LDHD: variants seen among roughly 807,000 people sequenced by gnomAD.
The protein encoded by LDHD is lactate dehydrogenase D, also known as D-lactate dehydrogenase, mitochondrial.
Under a neutral mutation model 52.9 loss-of-function variants are expected in LDHD, and 58 were observed. That is an observed-to-expected ratio of 1.10 (90% CI 0.89 to 1.36). LDHD has a LOEUF of 1.36. LDHD is among the 40% of genes most tolerant of loss of function. The pLI is 0.00. For missense variants in LDHD, 747 were observed against 668.0 expected (o/e 1.12, Z -1.30); for synonymous variants, 350 against 288.6 (o/e 1.21, Z -2.16).
In LDHD at chr16:75,116,609, C is replaced by A. The variant is rs377287420; in HGVS notation, c.72+40G>T. ...TCAGAACCCCCTGCTCCCCGCTCCC[C>A]ACCTCATCCCTCCAGAGGACTTCTC... On this transcript the variant is annotated intron_variant, in intron 1 of 10. Transcript: ENST00000450168. 1.4e-5 allele frequency: 22 copies of A among 1,546,894 alleles called. No homozygotes were observed. In the African/African-American group the frequency reaches 3.0e-4, roughly 21 times the overall value.
chr16:75,113,293 TC>T (rs2145440583), intron 8 of LDHD, among the ~76,000 whole-genome samples: 1 of 152,300 alleles, frequency 6.6e-6, no homozygotes, highest in Admixed American at 6.5e-5. Flanking sequence ...ACCGCACCGT[TC>T]CCATGACCTG....
chr16:75,113,519 C>G lies in LDHD; in HGVS notation c.1086+16G>C. On this transcript the variant is annotated intron_variant, in intron 8 of 10. Coordinates refer to ENST00000450168, the MANE Select transcript of LDHD (RefSeq NM_194436.3). ...GCCGAGCTGTGGGCCCCATCTGTAC[C>G]CCAGCCCCAGCTCACCTTGCAGCCT... is the stretch of plus-strand genomic sequence containing the variant. 6.3e-6 allele frequency: 10 copies of G among 1,598,494 alleles called. No individual in the cohort carries two copies. Among genetic ancestry groups the G allele is most frequent in the Non-Finnish European group, 8.5e-6 (10 of 1,173,330 alleles).
At chr16:75,114,303 G>T in intron 5 of LDHD, 138 bp from the exon 6 acceptor site, 1 of 1,517,190 alleles carries the variant, frequency 6.6e-7, no homozygotes, top group Non-Finnish European at 8.8e-7. Context: ...AGTTTCCCTG[G>T]CCCAGTGCTT....
At position 75,114,669 on chromosome 16, in the gene LDHD, G is replaced by A; in HGVS notation, c.486C>T (p.Ala162=). Residue 162 remains alanine, a synonymous_variant, in exon 5 of 11, where the codon GCC becomes GCT. Coordinates refer to ENST00000450168, the MANE Select transcript of LDHD (RefSeq NM_194436.3). ...CGGTGGCCGCCATGCCACAGAGAGA[G>A]GCGTCCGCGCCTGGGTCTGGAGGGC... ...LWFPVDPGAD[A]SLCGMAATGA... 1 of 1,533,434 alleles carries A rather than the reference G, an allele frequency of 6.5e-7. No homozygotes were observed. The highest frequency in any genetic ancestry group is 8.8e-7 in the Non-Finnish European group (1 of 1,140,922). 95.0% of individuals were successfully genotyped at this position (1,533,434 alleles called of 1,614,324 possible).
At position 75,115,203 on chromosome 16, in the gene LDHD, C is replaced by A; in HGVS notation, c.322G>T (p.Val108Leu). The change falls in exon 3 of 11, where the codon GTG becomes TTG. Residue 108 changes from valine to leucine, a missense_variant. Val to Leu is a conservative substitution (Grantham distance 32). Coordinates refer to ENST00000450168, the MANE Select transcript of LDHD (RefSeq NM_194436.3). ...GCGAGGGAGCCCCACTGTACCTGCA[C>A]AGCACAGACGCCACCCTCAAGCCCG... ...GTGLEGGVCA[V>L]QGGVCVNLTH... 1.2e-6 allele frequency: 2 copies of A among 1,612,280 alleles called. No homozygotes were observed. Among genetic ancestry groups the A allele is most frequent in the Non-Finnish European group, 1.7e-6 (2 of 1,179,952 alleles).
chr16:75,113,827 G>A lies in LDHD; in HGVS notation c.873C>T (p.Ser291=), dbSNP rs779373124. Reference sequence around the variant, plus strand: ...TGGGCGCCACTAAGCAATTCAGCTTGCTGTACCTGTTGCAGGCATCCATCA... The same window carrying A: ...TGGGCGCCACTAAGCAATTCAGCTTACTGTACCTGTTGCAGGCATCCATCA... ...EVMMDACNRY[S]KLNCLVAPTL... The change falls in exon 7 of 11, where the codon AGC becomes AGT. Residue 291 remains serine (S), a synonymous_variant. Coordinates refer to ENST00000450168, the MANE Select transcript of LDHD (RefSeq NM_194436.3). The A allele has an allele frequency of 1.2e-6, 2 of 1,613,994 alleles. No homozygotes were observed. Among genetic ancestry groups the A allele is most frequent in the African/African-American group, 1.3e-5 (1 of 74,936 alleles).
At position 75,114,627 on chromosome 16, in the gene LDHD, G is replaced by A. The variant is rs1301590744; in HGVS notation, c.528C>T (p.Asn176=). 10 of 1,532,942 alleles carry A rather than the reference G, an allele frequency of 6.5e-6. No homozygotes were observed. Among genetic ancestry groups the A allele is most frequent in the Non-Finnish European group, 8.7e-6 (10 of 1,143,188 alleles). 95.0% of individuals were successfully genotyped at this position (1,532,942 alleles called of 1,614,324 possible). The change falls in exon 5 of 11, where the codon AAC becomes AAT. Residue 176 remains asparagine, a synonymous_variant. Transcript: ENST00000450168. ...CCCGCATGGTGCCGTAGCGGACCGC[G>A]TTGGTCCCCGACGCCCCGGTGGCCG... The part of the protein sequence containing the change: ...GMAATGASGT[N]AVRYGTMRDN...
At chr16:75,116,591 C>G (rs768003909) in intron 1 of LDHD, 58 bp downstream of exon 1, 1 of 1,430,318 alleles carries the variant, frequency 7.0e-7, no homozygotes, top group South Asian at 1.2e-5. Flanking sequence ...GGATCAGAAC[C>G]CCCTGCTCCC....
Position 75,115,225 on chromosome 16 carries a change from CCCGGTG to C in LDHD, c.294_299del (p.Thr99_Gly100del). The C allele has an allele frequency of 6.2e-7, 1 of 1,613,074 alleles. No individual in the cohort carries two copies. Among genetic ancestry groups the C allele is most frequent in the South Asian group, 1.1e-5 (1 of 91,088 alleles). ...GCACAGCACAGACGCCACCCTCAAG[CCCGGTG>C]CCGGTGCCGAATGGGATGATGGGCA... On this transcript the variant is annotated inframe_deletion, in exon 3 of 11. Transcript: ENST00000450168.
Position 75,114,590 on chromosome 16 carries a change from T to C in LDHD, c.565A>G (p.Asn189Asp). ...CCGTCGGGCAGCACCACCTCCAGGT[T>C]GAGCACGTTGTCCCGCATGGTGCCG... The part of the protein sequence containing the change: ...RYGTMRDNVL[N>D]LEVVLPDGRL... The change falls in exon 5 of 11, where the codon AAC becomes GAC. Residue 189 changes from asparagine (N) to aspartate (D), a missense_variant. By Grantham distance (23) the Asn-to-Asp change is conservative. Coordinates refer to ENST00000450168, the MANE Select transcript of LDHD (RefSeq NM_194436.3). The C allele has an allele frequency of 6.5e-7, 1 of 1,533,988 alleles. No individual in the cohort carries two copies. The highest frequency in any genetic ancestry group is 8.7e-7 in the Non-Finnish European group (1 of 1,145,130).
intron 1 of LDHD, 75 bp from the exon 2 acceptor site, chr16:75,115,735 G>C: frequency 2.1e-6 from 2 of 943,530 alleles, no homozygotes; most frequent in South Asian, 1.7e-5. Flanking sequence ...GTGTCGGGGG[G>C]AGGGCTGGGG....
At position 75,115,232 on chromosome 16, in the gene LDHD, C is replaced by A. The variant is rs1349118708; in HGVS notation, c.293G>T (p.Gly98Val). The A allele has an allele frequency of 2.5e-6, 4 of 1,613,182 alleles. No homozygotes were observed. The highest frequency in any genetic ancestry group is 4.5e-5 in the East Asian group (2 of 44,874). ...QGVPIIPFGTGTGLEGGVCAV... is the reference protein window; with the variant it reads ...QGVPIIPFGTVTGLEGGVCAV... ...ACAGACGCCACCCTCAAGCCCGGTG[C>A]CGGTGCCGAATGGGATGATGGGCAC... The change falls in exon 3 of 11, where the codon GGC becomes GTC. Residue 98 changes from glycine (G) to valine (V), a missense_variant. Coordinates refer to ENST00000450168, the MANE Select transcript of LDHD (RefSeq NM_194436.3).
Position 75,116,764 on chromosome 16 carries a change from G to A in LDHD, c.-44C>T, listed in dbSNP as rs759972723. 7.4e-7 allele frequency: 1 copy of A among 1,349,464 alleles called. No individual in the cohort carries two copies. The highest frequency in any genetic ancestry group is 1.0e-6 in the Non-Finnish European group (1 of 985,826). 83.6% of individuals were successfully genotyped at this position (1,349,464 alleles called of 1,614,324 possible). A position where few individuals can be genotyped will look rare whatever the true frequency, so the allele number is the denominator to read the frequency against. ...GGGTGTGAGCACTGGGTGGCAGGGT[G>A]ACCAGTCAGCTACTGTGGCAGCAGC... On this transcript the variant is annotated 5_prime_UTR_variant, in exon 1 of 11. Transcript: ENST00000450168.
chr16:75,113,678 G>C lies in LDHD; in HGVS notation c.959-16C>G, dbSNP rs779421015. The C allele has an allele frequency of 6.2e-7, 1 of 1,613,030 alleles. No individual in the cohort carries two copies. Among genetic ancestry groups the C allele is most frequent in the Non-Finnish European group, 8.5e-7 (1 of 1,179,600 alleles). ...ACTATCTCCTCTGCAGTTGGGGAAG[G>C]GGGGCTGACACCGGGCCGCCACTGA... On this transcript the variant is annotated splice_polypyrimidine_tract_variant and intron_variant, in intron 7 of 10. Coordinates refer to ENST00000450168, the MANE Select transcript of LDHD (RefSeq NM_194436.3).
Position 75,115,123 on chromosome 16 carries a change from G to A in LDHD, c.327+75C>T. The A allele has an allele frequency of 1.9e-6, 3 of 1,550,240 alleles. No individual in the cohort carries two copies. In the South Asian group the frequency reaches 3.7e-5, roughly 19 times the overall value. ...GAGCAGACCCAAGGTGCCGTGTGTGGCGGGGGAGGCAGCCACAGGTGTGCC... is the reference window on the plus strand; with the variant it reads ...GAGCAGACCCAAGGTGCCGTGTGTGACGGGGGAGGCAGCCACAGGTGTGCC... On this transcript the variant is annotated intron_variant, in intron 3 of 10. Coordinates refer to ENST00000450168, the MANE Select transcript of LDHD (RefSeq NM_194436.3).
Position 75,115,214 on chromosome 16 carries a change from C to T in LDHD, c.311G>A (p.Gly104Asp). The T allele has an allele frequency of 6.2e-7, 1 of 1,612,844 alleles. No homozygotes were observed. ...CCACTGTACCTGCACAGCACAGACGCCACCCTCAAGCCCGGTGCCGGTGCC... is the reference window on the plus strand; with the variant it reads ...CCACTGTACCTGCACAGCACAGACGTCACCCTCAAGCCCGGTGCCGGTGCC... ...PFGTGTGLEGGVCAVQGGVCV... is the reference protein window; with the variant it reads ...PFGTGTGLEGDVCAVQGGVCV... Residue 104 changes from glycine to aspartate, a missense_variant, in exon 3 of 11, where the codon GGC becomes GAC. Transcript: ENST00000450168.
At chr16:75,114,464 G>T in intron 5 of LDHD, 62 bp downstream of exon 5, 1 of 1,436,560 alleles carries the variant, frequency 7.0e-7, no homozygotes, top group Non-Finnish European at 9.1e-7. Context: ...CCCGGTCTCT[G>T]CAGGGCAGCC....
Position 75,113,615 on chromosome 16 carries a change from C to T in LDHD, c.1006G>A (p.Glu336Lys). The T allele has an allele frequency of 6.2e-7, 1 of 1,613,258 alleles. No individual in the cohort carries two copies. The highest frequency in any genetic ancestry group is 8.5e-7 in the Non-Finnish European group (1 of 1,179,994). Residue 336 changes from glutamate to lysine, a missense_variant, in exon 8 of 11, where the codon GAG (glutamate) becomes AAG (lysine). By Grantham distance (56) the Glu-to-Lys change is moderately conservative. Transcript: ENST00000450168. ...NGASDFSWAKEAEERSRLWTA... is the reference protein window; with the variant it reads ...NGASDFSWAKKAEERSRLWTA... Reference sequence around the variant, plus strand: ...CAAAGCCGGCTGCGCTCCTCGGCCTCCTTGGCCCAGGAGAAGTCAGAGGCT... The same window carrying T: ...CAAAGCCGGCTGCGCTCCTCGGCCTTCTTGGCCCAGGAGAAGTCAGAGGCT...
Position 75,114,254 on chromosome 16 carries a change from C to G in LDHD, c.630-89G>C, listed in dbSNP as rs531960851. The G allele has an allele frequency of 1.1e-4, 175 of 1,577,456 alleles. 3 individuals are homozygous for G. The South Asian group carries it at 1.9e-3, about 17-fold the overall frequency. On this transcript the variant is annotated intron_variant, in intron 5 of 10. Transcript: ENST00000450168. ...CCGAAGCTGGAACCCAAGACACCGA[C>G]CCCAGGCACTGAGGTCTGGGCTGGC...
Sources: allele counts gnomAD v4.1 joint callset (sites outside exome capture counted in the v4.1 genomes callset), GRCh38; gene constraint gnomAD v4.1.1; transcripts MANE v1.5; gene names NCBI Gene and HGNC (gene_info 2026-07-23, HGNC 2026-07-21).